RSU1: variants seen among roughly 807,000 people sequenced by gnomAD.
RSU1 encodes Ras suppressor protein 1.
A neutral mutation model predicts 31.1 loss-of-function variants in RSU1; 26 were observed. The ratio of observed to expected loss-of-function variants is 0.84; its 90% confidence interval spans 0.61 to 1.16. The LOEUF (loss-of-function observed/expected upper bound fraction) is 1.16. RSU1 is among the 50% of genes most tolerant of loss of function. The probability of loss-of-function intolerance (pLI) is 0.00; values close to 1 mark genes in which losing one functional copy is unlikely to be tolerated. For missense variants in RSU1, 320 were observed against 339.1 expected, an observed-to-expected ratio of 0.94 and a Z score of 0.44; for synonymous variants, 164 against 136.3, an observed-to-expected ratio of 1.20 and a Z score of -1.41.
intron 2 of RSU1, among the ~76,000 whole-genome samples, chr10:16,799,632 A>G (rs1407565093): frequency 6.6e-6 from 1 of 151,982 alleles, no homozygotes; most frequent in African/African-American, 2.4e-5. Flanking sequence ...AAAATTAGAA[A>G]AAAAAATCCC....
chr10:16,594,647 T>G (rs899009900), intron 8 of RSU1, among the ~76,000 whole-genome samples: 1 of 145,212 alleles, frequency 6.9e-6, no homozygotes, highest in Non-Finnish European at 1.5e-5. Context: ...ATGATATATA[T>G]GATATATATC....
chr10:16,609,269 C>T (rs1404256660), intron 8 of RSU1, among the ~76,000 whole-genome samples: 4 of 152,156 alleles, frequency 2.6e-5, no homozygotes, highest in African/African-American at 9.7e-5. Context: ...TGAGTGGGAC[C>T]CTGGCACTGC....
intron 8 of RSU1, among the ~76,000 whole-genome samples, chr10:16,667,459 C>G (rs999999847): frequency 6.6e-6 from 1 of 151,958 alleles, no homozygotes; most frequent in African/African-American, 2.4e-5. Context: ...TAAATAGTAC[C>G]ATAAAATATG....
intron 8 of RSU1, among the ~76,000 whole-genome samples, chr10:16,618,448 C>T (rs1360168860): frequency 6.6e-6 from 1 of 152,166 alleles, no homozygotes; most frequent in African/African-American, 2.4e-5. Flanking sequence ...ACCAAAAATA[C>T]CATTTGACTC....
chr10:16,616,740 A>T (rs1319814152), intron 8 of RSU1, among the ~76,000 whole-genome samples: 2 of 152,234 alleles, frequency 1.3e-5, no homozygotes, highest in Non-Finnish European at 2.9e-5. Context: ...GTAATCCATC[A>T]CATTAACTGA....
intron 2 of RSU1, among the ~76,000 whole-genome samples, chr10:16,808,022 C>CA (rs9331745): frequency 0.045 from 5,169 of 116,122 alleles, 132 homozygotes; most frequent in Non-Finnish European, 0.068. Flanking sequence ...GACTCTGTCT[C>CA]AAAAAAAAAA....
At chr10:16,704,427 G>A (rs1835854441) in intron 7 of RSU1, among the ~76,000 whole-genome samples, 2 of 152,218 alleles carry the variant, frequency 1.3e-5, no homozygotes, top group Non-Finnish European at 2.9e-5. Flanking sequence ...CATGTGACTA[G>A]TAGGCAGCCA....
At chr10:16,654,811 C>T (rs1405568851) in intron 8 of RSU1, among the ~76,000 whole-genome samples, 9 of 151,786 alleles carry the variant, frequency 5.9e-5, no homozygotes, top group Admixed American at 1.3e-4. Flanking sequence ...ATAATCCGAG[C>T]GCTCCTGGAA....
Position 16,769,475 on chromosome 10 carries a change from G to A in RSU1, c.161-4965C>T, listed in dbSNP as rs977818874. 4.6e-5 allele frequency among the ~76,000 whole-genome samples: 7 copies of A among 152,258 alleles called. No individual in the cohort carries two copies. The East Asian group carries it at 5.8e-4, about 13-fold the overall frequency. On this transcript the variant is annotated intron_variant, in intron 3 of 8. Transcript: ENST00000345264. ...AGGGATACTGACCGTTTCCATCACC[G>A]CAAAATGTTTTATTACACAGCCCTA...
chr10:16,679,556 TAAC>T lies in RSU1; in HGVS notation c.731+15464_731+15466del, dbSNP rs548599565. Among the ~76,000 whole-genome samples, 3 of 152,294 alleles carry T rather than the reference TAAC, an allele frequency of 2.0e-5. No homozygotes were observed. The South Asian group carries it at 6.2e-4, about 32-fold the overall frequency. ...AAAAGATCTCTGAGGAAGCGATATT[TAAC>T]CTGACACTTGAAGAATAACTGGGCA... On this transcript the variant is annotated intron_variant, in intron 8 of 8. Transcript: ENST00000345264.
chr10:16,621,849 C>T (rs1055019513), intron 8 of RSU1, among the ~76,000 whole-genome samples: 2 of 152,180 alleles, frequency 1.3e-5, no homozygotes, highest in African/African-American at 4.8e-5. Flanking sequence ...TGGGTGGGGA[C>T]ACAGCCAAAC....
At chr10:16,744,206 T>G in intron 7 of RSU1, among the ~76,000 whole-genome samples, 1 of 152,114 alleles carries the variant, frequency 6.6e-6, no homozygotes, top group Non-Finnish European at 1.5e-5. Context: ...AGAAGAGACT[T>G]CTTTTTCTAT....
At chr10:16,678,459 C>A (rs993056876) in intron 8 of RSU1, among the ~76,000 whole-genome samples, 3 of 152,122 alleles carry the variant, frequency 2.0e-5, no homozygotes, top group Non-Finnish European at 4.4e-5. Flanking sequence ...ACTCATTTTA[C>A]GAGGTGATAT....
At chr10:16,790,890 C>T (rs1249174400) in intron 2 of RSU1, among the ~76,000 whole-genome samples, 3 of 152,196 alleles carry the variant, frequency 2.0e-5, no homozygotes, top group Non-Finnish European at 4.4e-5. Flanking sequence ...TTTCTGAAGC[C>T]TCCCAGCCAT....
chr10:16,738,914 C>A (rs1205819503), intron 7 of RSU1, among the ~76,000 whole-genome samples: 1 of 151,724 alleles, frequency 6.6e-6, no homozygotes, highest in Non-Finnish European at 1.5e-5. Flanking sequence ...CCTGTTGTCC[C>A]TGTGTTCTCA....
At chr10:16,753,826 TG>T (rs1207511875) in intron 5 of RSU1, among the ~76,000 whole-genome samples, 1 of 152,148 alleles carries the variant, frequency 6.6e-6, no homozygotes, top group East Asian at 1.9e-4. Flanking sequence ...TGGAGTGCAG[TG>T]GGTCACTGCA....
At chr10:16,694,447 T>C (rs1835632123) in intron 8 of RSU1, among the ~76,000 whole-genome samples, 2 of 152,220 alleles carry the variant, frequency 1.3e-5, no homozygotes, top group Admixed American at 1.3e-4. Flanking sequence ...TGAATTTCCT[T>C]AGTGCCATGA....
intron 8 of RSU1, among the ~76,000 whole-genome samples, chr10:16,691,132 G>A (rs1264022115): frequency 1.3e-5 from 2 of 152,060 alleles, no homozygotes; most frequent in Non-Finnish European, 2.9e-5. Flanking sequence ...CTCCCCTGAA[G>A]GCTGCCACAT....
chr10:16,638,474 T>G (rs924026226), intron 8 of RSU1, among the ~76,000 whole-genome samples: 1 of 152,188 alleles, frequency 6.6e-6, no homozygotes, highest in Non-Finnish European at 1.5e-5. Context: ...AAGTATAAAC[T>G]AGCACGGCAT....
Sources: allele counts gnomAD v4.1 joint callset (sites outside exome capture counted in the v4.1 genomes callset), GRCh38; gene constraint gnomAD v4.1.1; transcripts MANE v1.5; gene names NCBI Gene and HGNC (gene_info 2026-07-23, HGNC 2026-07-21).